The following NXPH1 variants were observed in gnomAD, a reference collection of about 807,000 sequenced individuals.
NXPH1 encodes the protein neurexophilin 1.
Under a neutral mutation model 23.7 loss-of-function variants are expected in NXPH1, and 5 were observed. The observed-to-expected ratio is 0.21, with a 90% CI of 0.11 to 0.44. The LOEUF (loss-of-function observed/expected upper bound fraction) is 0.44. NXPH1 is among the 20% of genes least tolerant of loss of function. The pLI is 0.99. For synonymous variants in NXPH1, 144 were observed against 122.2 expected, an observed-to-expected ratio of 1.18 and a Z score of -1.18; for missense variants, 324 against 321.6, an observed-to-expected ratio of 1.01 and a Z score of -0.06.
intron 2 of NXPH1, among the ~76,000 whole-genome samples, chr7:8,475,583 C>T (rs1007847071): frequency 6.6e-6 from 1 of 152,128 alleles, no homozygotes; most frequent in African/African-American, 2.4e-5. Flanking sequence ...TGACTTTCTT[C>T]TCTGCTAACT....
At chr7:8,563,368 T>C (rs181104842) in intron 2 of NXPH1, among the ~76,000 whole-genome samples, 11 of 151,898 alleles carry the variant, frequency 7.2e-5, no homozygotes, top group African/African-American at 2.6e-4. Flanking sequence ...CTTAGAGCTC[T>C]TTGAGAATGC....
intron 2 of NXPH1, among the ~76,000 whole-genome samples, chr7:8,747,392 T>A (rs1780488865): frequency 6.6e-6 from 1 of 152,238 alleles, no homozygotes; most frequent in Non-Finnish European, 1.5e-5. Context: ...CCATATTCAC[T>A]ACTTCCACAA....
chr7:8,735,696 C>T (rs903488657), intron 2 of NXPH1, among the ~76,000 whole-genome samples: 2 of 152,172 alleles, frequency 1.3e-5, no homozygotes, highest in South Asian at 4.1e-4. Flanking sequence ...TGTTTGGAAT[C>T]ATTTCAGAAG....
chr7:8,671,517 C>G (rs1820869000), intron 2 of NXPH1, among the ~76,000 whole-genome samples: 1 of 152,136 alleles, frequency 6.6e-6, no homozygotes, highest in Non-Finnish European at 1.5e-5. Context: ...TGTATAATTA[C>G]CTTCCATTAA....
intron 2 of NXPH1, among the ~76,000 whole-genome samples, chr7:8,543,771 G>A (rs893742091): frequency 1.5e-4 from 23 of 151,696 alleles, no homozygotes; most frequent in East Asian, 5.8e-4. Context: ...ACCTATTGAC[G>A]TAGTACAGTT....
At chr7:8,710,692 G>C (rs1472068380) in intron 2 of NXPH1, among the ~76,000 whole-genome samples, 1 of 85,108 alleles carries the variant, frequency 1.2e-5, no homozygotes, top group Non-Finnish European at 1.8e-5. Context: ...GTCTCGCTCT[G>C]TCGCCCAGGC....
intron 2 of NXPH1, among the ~76,000 whole-genome samples, chr7:8,466,910 T>A (rs1358787321): frequency 6.6e-6 from 1 of 151,944 alleles, no homozygotes; most frequent in African/African-American, 2.4e-5. Context: ...GAATGTGGAC[T>A]CTACCACTTG....
chr7:8,710,703 C>G (rs1268745247), intron 2 of NXPH1, among the ~76,000 whole-genome samples: 1 of 113,628 alleles, frequency 8.8e-6, no homozygotes, highest in Non-Finnish European at 1.6e-5. Flanking sequence ...TCGCCCAGGC[C>G]GGACTGCGGA....
chr7:8,740,777 A>T (rs1431900626), intron 2 of NXPH1, among the ~76,000 whole-genome samples: 1 of 152,162 alleles, frequency 6.6e-6, no homozygotes, highest in Admixed American at 6.5e-5. Context: ...TTGACCAATA[A>T]AAATGGTATA....
chr7:8,652,109 A>G (rs1379074767), intron 2 of NXPH1, among the ~76,000 whole-genome samples: 1 of 152,138 alleles, frequency 6.6e-6, no homozygotes, highest in Admixed American at 6.6e-5. Flanking sequence ...TTTCTGGAGC[A>G]CCTAGCTTCA....
chr7:8,515,973 T>TACCTATCTGGTGTGCATGCAC (rs1164549061), intron 2 of NXPH1, among the ~76,000 whole-genome samples: 4 of 152,154 alleles, frequency 2.6e-5, no homozygotes, highest in African/African-American at 9.6e-5. Flanking sequence ...CACTCATGCA[T>TACCTATCTGGTGTGCATGCAC]ACCTATCTGG....
At chr7:8,451,597 G>T (rs1303377401) in intron 2 of NXPH1, among the ~76,000 whole-genome samples, 1 of 152,172 alleles carries the variant, frequency 6.6e-6, no homozygotes, top group Non-Finnish European at 1.5e-5. Flanking sequence ...TTAGTCTTTT[G>T]TCTGAGTAGG....
chr7:8,673,163 A>C (rs2115171140), intron 2 of NXPH1, among the ~76,000 whole-genome samples: 1 of 152,292 alleles, frequency 6.6e-6, no homozygotes, highest in South Asian at 2.1e-4. Flanking sequence ...CACCCAATTT[A>C]AACATAATTA....
chr7:8,489,686 C>G (rs1305004104), intron 2 of NXPH1, among the ~76,000 whole-genome samples: 1 of 152,024 alleles, frequency 6.6e-6, no homozygotes, highest in Non-Finnish European at 1.5e-5. Flanking sequence ...CTTTGCTATT[C>G]CATTTGACAA....
intron 2 of NXPH1, among the ~76,000 whole-genome samples, chr7:8,519,793 G>T (rs1817740808): frequency 1.3e-5 from 2 of 151,966 alleles, no homozygotes; most frequent in African/African-American, 4.8e-5. Flanking sequence ...TTCACTGTTT[G>T]TTAACAAGAA....
At chr7:8,528,816 C>G (rs188890168) in intron 2 of NXPH1, among the ~76,000 whole-genome samples, 2 of 152,338 alleles carry the variant, frequency 1.3e-5, no homozygotes, top group East Asian at 3.9e-4. Context: ...GAAGAGAGTA[C>G]ATGAGTTTTC....
At chr7:8,695,646 T>A (rs924515830) in intron 2 of NXPH1, among the ~76,000 whole-genome samples, 1 of 152,228 alleles carries the variant, frequency 6.6e-6, no homozygotes, top group Admixed American at 6.5e-5. Flanking sequence ...TTCTTGGTTC[T>A]GGTCTTCCAA....
At chr7:8,513,084 T>G (rs139692951) in intron 2 of NXPH1, among the ~76,000 whole-genome samples, 1 of 151,988 alleles carries the variant, frequency 6.6e-6, no homozygotes, top group East Asian at 1.9e-4. Flanking sequence ...AATAGAAATA[T>G]GCATGTGGAA....
At chr7:8,661,892 A>AAACT (rs1197084240) in intron 2 of NXPH1, among the ~76,000 whole-genome samples, 1 of 152,098 alleles carries the variant, frequency 6.6e-6, no homozygotes, top group African/African-American at 2.4e-5. Flanking sequence ...CTATGAAAGA[A>AAACT]AACTTACAAG....
Sources: gnomAD v4.1 joint callset for allele counts (sites outside exome capture counted in the v4.1 genomes callset) on GRCh38, gnomAD v4.1.1 for gene constraint, MANE v1.5 for transcripts, NCBI Gene and HGNC (gene_info 2026-07-23, HGNC 2026-07-21) for gene names.